ZFYVE28: variants seen among roughly 807,000 people sequenced by gnomAD.
ZFYVE28 encodes the protein lateral signaling target protein 2 homolog.
Under a neutral mutation model 82.1 loss-of-function variants are expected in ZFYVE28, and 40 were observed. That is an observed-to-expected ratio of 0.49 (90% CI 0.38 to 0.63). The LOEUF (loss-of-function observed/expected upper bound fraction) is 0.63. ZFYVE28 is among the 30% of genes least tolerant of loss of function. The pLI, the probability that ZFYVE28 is intolerant of heterozygous loss-of-function variation, is 0.00. For missense variants in ZFYVE28, 1,321 were observed against 1,242.1 expected, an observed-to-expected ratio of 1.06 and a Z score of -0.96; for synonymous variants, 612 against 546.1, an observed-to-expected ratio of 1.12 and a Z score of -1.68.
intron 1 of ZFYVE28, chr4:2,364,973 C>T: frequency 2.2e-6 from 2 of 910,710 alleles, no homozygotes; most frequent in Non-Finnish European, 2.6e-6. Context: ...GCCGGGGTGT[C>T]CCGGGCGCAC....
chr4:2,354,962 C>A (rs1334369964), intron 1 of ZFYVE28, among the ~76,000 whole-genome samples: 5 of 149,552 alleles, frequency 3.3e-5, no homozygotes, highest in Admixed American at 3.3e-4. Context: ...GCAGGAAACT[C>A]TACGCTCAGA....
Position 2,304,746 on chromosome 4 carries a change from C to A in ZFYVE28, c.1594G>T (p.Ala532Ser). The A allele has an allele frequency of 6.2e-7, 1 of 1,612,694 alleles. No homozygotes were observed. Among genetic ancestry groups the A allele is most frequent in the Non-Finnish European group, 8.5e-7 (1 of 1,179,960 alleles). ...GGCTCCGAGGCGGCCTCCTGGGTGG[C>A]GACCGCAGAGTCCAGGGAAGTGGGC... ...KSPTSLDSAV[A>S]TQEAASEPVA... Residue 532 changes from alanine (A) to serine (S), a missense_variant, in exon 8 of 13, where the codon GCC (alanine) becomes TCC (serine). Transcript: ENST00000290974.
At chr4:2,396,478 GT>G (rs1224227037) in intron 1 of ZFYVE28, among the ~76,000 whole-genome samples, 12 of 13,284 alleles carry the variant, frequency 9.0e-4, no homozygotes, top group African/African-American at 3.0e-3. Flanking sequence ...GGGACACAAG[GT>G]GGGGGTGTCT....
At chr4:2,312,028 G>T (rs1279268649) in intron 7 of ZFYVE28, among the ~76,000 whole-genome samples, 1 of 152,128 alleles carries the variant, frequency 6.6e-6, no homozygotes, top group African/African-American at 2.4e-5. Context: ...CAGATAATTG[G>T]AATCAATACA....
rs1722760264 is a variant in ZFYVE28 at position 2,341,326 on chromosome 4, C to T, written c.318+152G>A. On this transcript the variant is annotated intron_variant, in intron 3 of 12. Transcript: ENST00000290974. The surrounding 1 kb of genome is among the most constrained non-coding windows in gnomAD (Gnocchi z 4.5). ...CTCCAGGGGTGCACGGCCTACCAGGCTCAGACCACACCACGTAACCCAGAG... is the reference window on the plus strand; with the variant it reads ...CTCCAGGGGTGCACGGCCTACCAGGTTCAGACCACACCACGTAACCCAGAG... 4.5e-6 allele frequency: 5 copies of T among 1,099,708 alleles called. No homozygotes were observed. Among genetic ancestry groups the T allele is most frequent in the African/African-American group, 1.6e-5 (1 of 64,146 alleles). 68.1% of individuals were successfully genotyped at this position (1,099,708 alleles called of 1,614,324 possible). A position where few individuals can be genotyped will look rare whatever the true frequency, so the allele number is the denominator to read the frequency against.
rs752787096 is a variant in ZFYVE28, at chr4:2,304,523, G to A, written c.1817C>T (p.Ala606Val). The A allele has an allele frequency of 1.9e-6, 3 of 1,612,464 alleles. No individual in the cohort carries two copies. The highest frequency in any genetic ancestry group is 2.2e-5 in the East Asian group (1 of 44,886). Residue 606 changes from alanine (A) to valine (V), a missense_variant, in exon 8 of 13, where the codon GCC becomes GTC. Ala to Val is a moderately conservative substitution (Grantham distance 64). Transcript: ENST00000290974. ...AAGLAKASDR[A>V]PERQEEAPPP... is the part of the protein sequence containing the mutation. ...GGGCGCCTCCTCCTGTCTCTCAGGGGCCCTGTCGCTGGCCTTGGCTAAGCC... is the reference window on the plus strand; with the variant it reads ...GGGCGCCTCCTCCTGTCTCTCAGGGACCCTGTCGCTGGCCTTGGCTAAGCC...
chr4:2,342,994 T>A (rs1723033792), intron 2 of ZFYVE28: 1 of 152,256 alleles, frequency 6.6e-6, no homozygotes, highest in Admixed American at 6.5e-5. Flanking sequence ...TTGTAGCTGC[T>A]GCAACATGTT....
chr4:2,275,711 G>T (rs1736362003), intron 8 of ZFYVE28, among the ~76,000 whole-genome samples: 1 of 152,218 alleles, frequency 6.6e-6, no homozygotes, highest in Non-Finnish European at 1.5e-5. Context: ...GTCAGCTGGT[G>T]CAACCACTTC....
Position 2,339,720 on chromosome 4 carries a change from C to G in ZFYVE28, c.319-65G>C. ...GGCCAGGCTCTCAGGGGTCGCCGAC[C>G]CGGGGAACCTGACTGCGCACCTCGG... is the stretch of plus-strand genomic sequence containing the variant. On this transcript the variant is annotated intron_variant, in intron 3 of 12. Transcript: ENST00000290974. The surrounding 1 kb of genome is among the most constrained non-coding windows in gnomAD (Gnocchi z 5.0). 6 of 1,470,196 alleles carry G rather than the reference C, an allele frequency of 4.1e-6. No individual in the cohort carries two copies. The highest frequency in any genetic ancestry group is 5.4e-6 in the Non-Finnish European group (6 of 1,101,714). The allele number at this position is 1,470,196 out of a possible 1,614,324, so 91.1% of individuals were successfully genotyped here.
At chr4:2,278,219 CTTT>C (rs58136968) in intron 8 of ZFYVE28, among the ~76,000 whole-genome samples, 27 of 136,886 alleles carry the variant, frequency 2.0e-4, no homozygotes, top group African/African-American at 4.4e-4. Flanking sequence ...AAGATTCTCT[CTTT>C]TTTTTTTTTT....
At chr4:2,397,945 T>G in intron 1 of ZFYVE28, among the ~76,000 whole-genome samples, 1 of 140,684 alleles carries the variant, frequency 7.1e-6, no homozygotes, top group African/African-American at 2.7e-5. Context: ...GGAGGAGAGC[T>G]GAGGCGGGTT....
chr4:2,333,630 T>A (rs1412354141), intron 6 of ZFYVE28, among the ~76,000 whole-genome samples: 1 of 151,996 alleles, frequency 6.6e-6, no homozygotes, highest in Non-Finnish European at 1.5e-5. Flanking sequence ...GACACGGGCA[T>A]GAGTGGGCGG....
rs372030626 is a variant in ZFYVE28, at chr4:2,339,701, G to A, written c.319-46C>T. 21 of 1,527,786 alleles carry A rather than the reference G, an allele frequency of 1.4e-5. No homozygotes were observed. In the African/African-American group the frequency reaches 2.8e-4, roughly 20 times the overall value. 94.6% of individuals were successfully genotyped at this position (1,527,786 alleles called of 1,614,324 possible). On this transcript the variant is annotated intron_variant, in intron 3 of 12. Coordinates refer to ENST00000290974, the MANE Select transcript of ZFYVE28 (RefSeq NM_020972.3). The surrounding 1 kb of genome is among the most constrained non-coding windows in gnomAD (Gnocchi z 5.0). ...AGGGAGGGGCCCGGGTGAGGGCCAG[G>A]CTCTCAGGGGTCGCCGACCCGGGGA...
At chr4:2,303,501 G>C (rs919094268) in intron 8 of ZFYVE28, among the ~76,000 whole-genome samples, 1 of 152,192 alleles carries the variant, frequency 6.6e-6, no homozygotes, top group Non-Finnish European at 1.5e-5. Flanking sequence ...GAGGCCTATA[G>C]ACACGGCCAC....
chr4:2,341,346 C>T lies in ZFYVE28; in HGVS notation c.318+132G>A, dbSNP rs1722767363. 1.5e-6 allele frequency: 2 copies of T among 1,297,860 alleles called. No homozygotes were observed. Among genetic ancestry groups the T allele is most frequent in the Non-Finnish European group, 1.1e-6 (1 of 935,450 alleles). 80.4% of individuals were successfully genotyped at this position (1,297,860 alleles called of 1,614,324 possible). A position where few individuals can be genotyped will look rare whatever the true frequency, so the allele number is the denominator to read the frequency against. On this transcript the variant is annotated intron_variant, in intron 3 of 12. Transcript: ENST00000290974. This position sits in a 1 kb window ranked among gnomAD's most constrained non-coding sequence, Gnocchi z 4.5. ...CCAGGCTCAGACCACACCACGTAAC[C>T]CAGAGTGGACGGAGCTCTTGGAGGA...
At chr4:2,278,263 C>T (rs879654684) in intron 8 of ZFYVE28, among the ~76,000 whole-genome samples, 4 of 149,872 alleles carry the variant, frequency 2.7e-5, no homozygotes, top group African/African-American at 4.9e-5. Flanking sequence ...CATGGCTTAC[C>T]GCAGCTTTGA....
intron 7 of ZFYVE28, among the ~76,000 whole-genome samples, chr4:2,319,677 T>A (rs2108836989): frequency 6.6e-6 from 1 of 152,174 alleles, no homozygotes; most frequent in East Asian, 1.9e-4. Context: ...TTGGCCCATA[T>A]GAAGGAAAGG....
intron 2 of ZFYVE28, chr4:2,342,887 CG>C (rs1315012189): frequency 6.6e-6 from 1 of 152,144 alleles, no homozygotes; most frequent in Non-Finnish European, 1.5e-5. Context: ...GAAATATGAC[CG>C]CAGGTGGGAC....
intron 1 of ZFYVE28, among the ~76,000 whole-genome samples, chr4:2,373,768 G>C (rs556207137): frequency 1.3e-5 from 2 of 152,296 alleles, no homozygotes; most frequent in African/African-American, 4.8e-5. Flanking sequence ...CTAAAAGCTA[G>C]AGATGATGTG....
Sources: gnomAD v4.1 joint callset for allele counts (sites outside exome capture counted in the v4.1 genomes callset) on GRCh38, gnomAD v4.1.1 for gene constraint, Gnocchi (gnomAD v3.1) non-coding constraint, MANE v1.5 for transcripts, NCBI Gene and HGNC (gene_info 2026-07-23, HGNC 2026-07-21) for gene names.